The following DYRK1A variants were observed in gnomAD, a reference collection of about 807,000 sequenced individuals.
DYRK1A encodes the protein dual specificity tyrosine-phosphorylation-regulated kinase 1A.
A neutral mutation model predicts 79.7 loss-of-function variants in DYRK1A; 9 were observed. That is an observed-to-expected ratio of 0.11 (90% CI 0.07 to 0.20). The LOEUF (loss-of-function observed/expected upper bound fraction) is 0.20, where lower values mean the gene tolerates loss of function less well. Among genes scored for constraint, DYRK1A ranks in the 10% least tolerant of loss-of-function variants. The pLI is 1.00. For synonymous variants in DYRK1A, 349 were observed against 329.7 expected, an observed-to-expected ratio of 1.06 and a Z score of -0.63; for missense variants, 622 against 956.0, an observed-to-expected ratio of 0.65 and a Z score of 4.61.
chr21:37,420,272 TATC>T (rs1486867249), intron 1 of DYRK1A, 24 bp from the exon 2 acceptor site: 18 of 899,870 alleles, frequency 2.0e-5, no homozygotes, highest in Admixed American at 4.4e-5. Context: ...CATTATCTCT[TATC>T]ATAATCTGTT....
chr21:37,507,381 C>G (rs1165496805), intron 11 of DYRK1A, among the ~76,000 whole-genome samples: 1 of 152,104 alleles, frequency 6.6e-6, no homozygotes, highest in Non-Finnish European at 1.5e-5. Flanking sequence ...CCTCAGGCCT[C>G]TCCCATCTTA....
intron 2 of DYRK1A, among the ~76,000 whole-genome samples, chr21:37,429,763 T>A (rs767735658): frequency 5.3e-5 from 8 of 152,234 alleles, no homozygotes; most frequent in Non-Finnish European, 1.2e-4. Flanking sequence ...CATTAATCAG[T>A]CAATTTACAT....
intron 2 of DYRK1A, among the ~76,000 whole-genome samples, chr21:37,431,417 G>A (rs7279339): frequency 0.29 from 43,342 of 151,986 alleles, 6,564 homozygotes; most frequent in East Asian, 0.42. Flanking sequence ...TTAGTGAGCT[G>A]CGAAGTTGCC....
chr21:37,478,987 T>A (rs1019035624), intron 4 of DYRK1A, among the ~76,000 whole-genome samples: 1 of 152,228 alleles, frequency 6.6e-6, no homozygotes, highest in African/African-American at 2.4e-5. Flanking sequence ...TGGCTTCAAC[T>A]CTGTCTCCAA....
intron 2 of DYRK1A, among the ~76,000 whole-genome samples, chr21:37,424,262 C>G (rs1223967884): frequency 1.3e-5 from 2 of 152,042 alleles, no homozygotes; most frequent in Non-Finnish European, 2.9e-5. Context: ...CTTACTGATT[C>G]AATAAATTTA....
chr21:37,382,532 C>T (rs188258963), intron 1 of DYRK1A, among the ~76,000 whole-genome samples: 1 of 152,152 alleles, frequency 6.6e-6, no homozygotes, highest in Non-Finnish European at 1.5e-5. Context: ...TTTCTGGTAA[C>T]ATAGGGAGTG....
At chr21:37,425,286 A>G (rs1472052347) in intron 2 of DYRK1A, among the ~76,000 whole-genome samples, 2 of 152,204 alleles carry the variant, frequency 1.3e-5, no homozygotes, top group African/African-American at 4.8e-5. Context: ...TTGGCATCCT[A>G]ATGGCATTTT....
intron 1 of DYRK1A, among the ~76,000 whole-genome samples, chr21:37,385,246 C>G (rs1020957080): frequency 6.6e-6 from 1 of 152,142 alleles, no homozygotes; most frequent in African/African-American, 2.4e-5. Context: ...TTTATTATCT[C>G]AGTTTCTGTG....
At chr21:37,468,232 C>G (rs2052100252) in intron 2 of DYRK1A, among the ~76,000 whole-genome samples, 2 of 152,034 alleles carry the variant, frequency 1.3e-5, no homozygotes, top group East Asian at 3.9e-4. Context: ...CCACCCGAGC[C>G]TCCTGAGTAA....
At chr21:37,407,823 G>A (rs1303086753) in intron 1 of DYRK1A, among the ~76,000 whole-genome samples, 2 of 152,188 alleles carry the variant, frequency 1.3e-5, no homozygotes, top group Non-Finnish European at 2.9e-5. Flanking sequence ...TAAGAGCGGC[G>A]AGAGAATGGC....
chr21:37,511,452 T>A (rs891211850), intron 11 of DYRK1A, among the ~76,000 whole-genome samples: 1 of 152,188 alleles, frequency 6.6e-6, no homozygotes, highest in Non-Finnish European at 1.5e-5. Context: ...ACAGGTAGAC[T>A]CATAAGTTCT....
chr21:37,441,164 T>C (rs1052541808), intron 2 of DYRK1A, among the ~76,000 whole-genome samples: 1 of 152,204 alleles, frequency 6.6e-6, no homozygotes, highest in East Asian at 1.9e-4. Flanking sequence ...TCTCGTGATA[T>C]TCTTCAGACT....
rs116018721 is a variant in DYRK1A, at chr21:37,373,995, T to C, written c.-77+6367T>C. On this transcript the variant is annotated intron_variant, in intron 1 of 11. Transcript: ENST00000647188. ...TTAAACTATGGTATGTGAATTCAAATAGACCGTTATGCAAAATATAAGTAA... is the reference window on the plus strand; with the variant it reads ...TTAAACTATGGTATGTGAATTCAAACAGACCGTTATGCAAAATATAAGTAA... Among the ~76,000 whole-genome samples the C allele has an allele frequency of 8.9e-3, 1,362 of 152,328 alleles. 19 individuals are homozygous for C. Among genetic ancestry groups the C allele is most frequent in the African/African-American group, 0.031 (1,306 of 41,574 alleles).
At chr21:37,475,066 A>C (rs1390164550) in intron 3 of DYRK1A, among the ~76,000 whole-genome samples, 2 of 152,128 alleles carry the variant, frequency 1.3e-5, no homozygotes, top group Non-Finnish European at 2.9e-5. Flanking sequence ...TTTTCAGGAC[A>C]AAAGTTAATT....
chr21:37,376,165 T>G (rs1290268876), intron 1 of DYRK1A, among the ~76,000 whole-genome samples: 1 of 152,094 alleles, frequency 6.6e-6, no homozygotes, highest in Non-Finnish European at 1.5e-5. Flanking sequence ...TAAGAATGTT[T>G]TGGAAAGGAG....
chr21:37,382,139 T>C (rs920590770), intron 1 of DYRK1A, among the ~76,000 whole-genome samples: 9 of 152,080 alleles, frequency 5.9e-5, no homozygotes, highest in Non-Finnish European at 1.3e-4. Flanking sequence ...GGCTCCATGC[T>C]AAGCTCTTGG....
chr21:37,411,294 T>A (rs1048938066), intron 1 of DYRK1A, among the ~76,000 whole-genome samples: 5 of 151,948 alleles, frequency 3.3e-5, no homozygotes, highest in South Asian at 2.1e-4. Flanking sequence ...AGGCGGAGGT[T>A]GCAGTGAGCT....
In DYRK1A at chr21:37,486,535, T is replaced by C; in HGVS notation, c.558T>C (p.Ala186=). 6.3e-7 allele frequency: 1 copy of C among 1,599,148 alleles called. No individual in the cohort carries two copies. Among genetic ancestry groups the C allele is most frequent in the Non-Finnish European group, 8.5e-7 (1 of 1,173,800 alleles). The change falls in exon 6 of 12, where the codon GCT becomes GCC. Residue 186 remains alanine (A), a synonymous_variant. Coordinates refer to ENST00000647188, the MANE Select transcript of DYRK1A (RefSeq NM_001347721.2). ...VAIKIIKNKK[A]FLNQAQIEVR... ...TTAAAATAATAAAGAACAAGAAGGC[T>C]TTTCTGAATCAAGCACAGATAGAAG...
chr21:37,381,025 A>G (rs185032390), intron 1 of DYRK1A, among the ~76,000 whole-genome samples: 1 of 152,296 alleles, frequency 6.6e-6, no homozygotes, highest in East Asian at 1.9e-4. Context: ...TACAGTTGAT[A>G]ATTTTTTAGT....
Sources: gnomAD v4.1 joint callset for allele counts (sites outside exome capture counted in the v4.1 genomes callset) on GRCh38, gnomAD v4.1.1 for gene constraint, MANE v1.5 for transcripts, NCBI Gene and HGNC (gene_info 2026-07-23, HGNC 2026-07-21) for gene names.